The following FEZ1 variants were observed in gnomAD, a reference collection of about 807,000 sequenced individuals.
The protein encoded by FEZ1 is fasciculation and elongation protein zeta-1.
In FEZ1, 20 loss-of-function variants were observed where a neutral mutation model predicts 49.3. That is an observed-to-expected ratio of 0.41 (90% CI 0.29 to 0.59). The LOEUF is 0.59. Among genes scored for constraint, FEZ1 ranks in the 20% least tolerant of loss-of-function variants. FEZ1 has a pLI of 0.36. For missense variants in FEZ1, 413 were observed against 476.0 expected, an observed-to-expected ratio of 0.87 and a Z score of 1.23; for synonymous variants, 170 against 180.9, an observed-to-expected ratio of 0.94 and a Z score of 0.48.
At chr11:125,459,406 A>G (rs542872969) in intron 5 of FEZ1, among the ~76,000 whole-genome samples, 5 of 152,136 alleles carry the variant, frequency 3.3e-5, no homozygotes, top group Admixed American at 3.3e-4. Flanking sequence ...AGCCTGGCCA[A>G]CGTGGAGAAA....
intron 3 of FEZ1, among the ~76,000 whole-genome samples, chr11:125,470,385 A>G (rs1193588900): frequency 1.3e-5 from 2 of 152,252 alleles, no homozygotes; most frequent in East Asian, 3.8e-4. Flanking sequence ...TTCCCTGGAG[A>G]GTGAAACAAA....
chr11:125,493,421 AGAAGGAAAGAAGGAAAGAAG>A (rs1565306973), intron 1 of FEZ1, among the ~76,000 whole-genome samples: 22 of 36,596 alleles, frequency 6.0e-4, no homozygotes, highest in South Asian at 2.2e-3. Context: ...AAAGAAAGAA[AGAAGGAAAGAAGGAAAGAAG>A]GAAAGAAGGA....
At position 125,495,430 on chromosome 11, in the gene FEZ1, C is replaced by T. The variant is rs1030621432; in HGVS notation, c.-46+691G>A. ...ACACTGCTCCCCGCATTCCAGAGCC[C>T]GGGGCCCACCCGACGGCAGCGCGCC... is the stretch of plus-strand genomic sequence containing the variant. On this transcript the variant is annotated intron_variant, in intron 1 of 9. Coordinates refer to ENST00000278919, the MANE Select transcript of FEZ1 (RefSeq NM_005103.5). This position sits in a 1 kb window ranked among gnomAD's most constrained non-coding sequence, Gnocchi z 4.2. The T allele has an allele frequency of 2.1e-6, 1 of 470,466 alleles. No homozygotes were observed. Among genetic ancestry groups the T allele is most frequent in the Non-Finnish European group, 4.4e-6 (1 of 226,622 alleles). 29.1% of individuals were successfully genotyped at this position (470,466 alleles called of 1,614,324 possible).
At chr11:125,463,414 G>A in intron 4 of FEZ1, 70 bp downstream of exon 4, 1 of 865,690 alleles carries the variant, frequency 1.2e-6, no homozygotes, top group Non-Finnish European at 2.0e-6. Context: ...GATGTGGCAA[G>A]TGTGTTCTCT....
chr11:125,458,294 T>C (rs571471849), intron 5 of FEZ1, among the ~76,000 whole-genome samples: 37 of 152,286 alleles, frequency 2.4e-4, no homozygotes, highest in African/African-American at 8.4e-4. Flanking sequence ...ACTCCTAGGA[T>C]GGGGCCCCTT....
chr11:125,454,006 G>C (rs1175762214), intron 7 of FEZ1, 124 bp downstream of exon 7: 2 of 531,920 alleles, frequency 3.8e-6, no homozygotes, highest in African/African-American at 3.9e-5. Context: ...AAAAGTGTTA[G>C]GACCCCTAAC....
rs895693008 is a variant in FEZ1 at position 125,463,637 on chromosome 11, C to T, written c.412-67G>A. 7.6e-5 allele frequency: 71 copies of T among 937,644 alleles called. No homozygotes were observed. In the African/African-American group the frequency reaches 9.2e-4, roughly 12 times the overall value. The allele number at this position is 937,644 out of a possible 1,614,324, so 58.1% of individuals were successfully genotyped here. A position where few individuals can be genotyped will look rare whatever the true frequency, so the allele number is the denominator to read the frequency against. ...GCAGAAGTGGGATTGCCTCTAGTCT[C>T]GAGAATGGATGATACTGACTGGGAG... On this transcript the variant is annotated intron_variant, in intron 3 of 9. Coordinates refer to ENST00000278919, the MANE Select transcript of FEZ1 (RefSeq NM_005103.5).
intron 1 of FEZ1, among the ~76,000 whole-genome samples, chr11:125,491,919 G>T (rs1353035295): frequency 6.6e-6 from 1 of 152,212 alleles, no homozygotes; most frequent in Non-Finnish European, 1.5e-5. Flanking sequence ...ATGGCTGGCT[G>T]AGTGACAAGC....
chr11:125,462,587 CT>C (rs1364769471), intron 4 of FEZ1, among the ~76,000 whole-genome samples: 1 of 152,232 alleles, frequency 6.6e-6, no homozygotes, highest in East Asian at 1.9e-4. Flanking sequence ...AACACTATGC[CT>C]GTCTCTGGCT....
intron 1 of FEZ1, among the ~76,000 whole-genome samples, chr11:125,494,932 G>T (rs561252932): frequency 1.3e-3 from 198 of 152,114 alleles, no homozygotes; most frequent in African/African-American, 4.5e-3. Context: ...CCATCACTTG[G>T]TCCATAGATC....
At position 125,444,595 on chromosome 11, in the gene FEZ1, AAGC is replaced by A. The variant is rs951719237; in HGVS notation, c.*1497_*1499del. Among the ~76,000 whole-genome samples, 2 of 151,930 alleles carry A rather than the reference AAGC, an allele frequency of 1.3e-5. No individual in the cohort carries two copies. Among genetic ancestry groups the A allele is most frequent in the African/African-American group, 2.4e-5 (1 of 41,376 alleles). On this transcript the variant is annotated 3_prime_UTR_variant, in exon 10 of 10. Transcript: ENST00000278919. ...AGTCAAACTCCGTCTGAAAAAAAAAAAGCAGAGGCCCAGGAAGGGAGGCAGGGC... is the reference window on the plus strand; with the variant it reads ...AGTCAAACTCCGTCTGAAAAAAAAAAAGAGGCCCAGGAAGGGAGGCAGGGC...
At chr11:125,449,900 G>C (rs1358172743) in intron 8 of FEZ1, among the ~76,000 whole-genome samples, 4 of 152,164 alleles carry the variant, frequency 2.6e-5, no homozygotes, top group Non-Finnish European at 5.9e-5. Context: ...TCAGCAGCCA[G>C]GTCCAGAAAA....
At position 125,445,184 on chromosome 11, in the gene FEZ1, G is replaced by A. The variant is rs1280098257; in HGVS notation, c.*911C>T. ...TCATGGAGGGCCGCGGGAAGGGCCA[G>A]GACAGCACTGCAAAGTCAAAGGACA... On this transcript the variant is annotated 3_prime_UTR_variant, in exon 10 of 10. Transcript: ENST00000278919. The surrounding 1 kb of genome is among the most constrained non-coding windows in gnomAD (Gnocchi z 4.4). Among the ~76,000 whole-genome samples, 1 of 152,236 alleles carries A rather than the reference G, an allele frequency of 6.6e-6. No homozygotes were observed. The highest frequency in any genetic ancestry group is 2.4e-5 in the African/African-American group (1 of 41,466).
intron 5 of FEZ1, among the ~76,000 whole-genome samples, chr11:125,456,457 G>A (rs1957012100): frequency 6.6e-6 from 1 of 152,200 alleles, no homozygotes; most frequent in Admixed American, 6.5e-5. Flanking sequence ...AATTGGGGAT[G>A]GAAAAGTGAT....
chr11:125,481,677 G>A (rs1957280510), intron 2 of FEZ1, 44 bp from the exon 3 acceptor site: 4 of 1,344,728 alleles, frequency 3.0e-6, no homozygotes, highest in South Asian at 1.2e-5. Flanking sequence ...TCTGTGGCCT[G>A]GCCCCGCCTG....
At chr11:125,457,593 G>A (rs1055819987) in intron 5 of FEZ1, among the ~76,000 whole-genome samples, 3 of 145,750 alleles carry the variant, frequency 2.1e-5, no homozygotes, top group East Asian at 2.0e-4. Flanking sequence ...ATCTTTTTGC[G>A]GCAGGGGAGG....
At chr11:125,482,053 G>C (rs535887610) in intron 2 of FEZ1, among the ~76,000 whole-genome samples, 1 of 152,300 alleles carries the variant, frequency 6.6e-6, no homozygotes, top group Admixed American at 6.5e-5. Flanking sequence ...GGGAGAGAGA[G>C]AGAGAGGAAC....
At chr11:125,451,205 TAAAAA>T (rs56357394) in intron 8 of FEZ1, among the ~76,000 whole-genome samples, 37 of 151,240 alleles carry the variant, frequency 2.4e-4, no homozygotes, top group African/African-American at 8.7e-4. Flanking sequence ...TTTTCTCCCT[TAAAAA>T]AAAAGAAACT....
rs1225729155 is a variant in FEZ1 at position 125,460,509 on chromosome 11, C to A, written c.656G>T (p.Trp219Leu). Residue 219 changes from tryptophan to leucine, a missense_variant, in exon 5 of 10, where the codon TGG (tryptophan) becomes TTG (leucine). Transcript: ENST00000278919. ...QALTQTFNNNWSYEGLRHMSG... is the reference protein window; with the variant it reads ...QALTQTFNNNLSYEGLRHMSG... Reference sequence around the variant, plus strand: ...CCCAGGGCCCTCACCTTCATAGGACCAGTTGTTGTTGAAGGTCTGTGTCAA... The same window carrying A: ...CCCAGGGCCCTCACCTTCATAGGACAAGTTGTTGTTGAAGGTCTGTGTCAA... 3.1e-6 allele frequency: 5 copies of A among 1,613,920 alleles called. No homozygotes were observed. Among genetic ancestry groups the A allele is most frequent in the Non-Finnish European group, 4.2e-6 (5 of 1,179,954 alleles).
Sources: allele counts gnomAD v4.1 joint callset (sites outside exome capture counted in the v4.1 genomes callset), GRCh38; gene constraint gnomAD v4.1.1; non-coding constraint Gnocchi (gnomAD v3.1); transcripts MANE v1.5; gene names NCBI Gene and HGNC (gene_info 2026-07-23, HGNC 2026-07-21).